The following ERCC5 variants were observed in gnomAD, a reference collection of about 807,000 sequenced individuals.
ERCC5 encodes the protein ERCC excision repair 5, endonuclease.
Under a neutral mutation model 105.6 loss-of-function variants are expected in ERCC5, and 68 were observed. The observed-to-expected ratio is 0.64, with a 90% CI of 0.53 to 0.79. The LOEUF (loss-of-function observed/expected upper bound fraction) is 0.79, where lower values mean the gene tolerates loss of function less well. Ranked by LOEUF, ERCC5 falls within the 30% of genes least tolerant of loss-of-function variation. The pLI, the probability that ERCC5 is intolerant of heterozygous loss-of-function variation, is 0.00. For missense variants in ERCC5, 1,373 were observed against 1,426.7 expected (o/e 0.96, Z 0.61); for synonymous variants, 546 against 526.2 (o/e 1.04, Z -0.51).
intron 1 of ERCC5, among the ~76,000 whole-genome samples, 186 bp from the exon 2 acceptor site, chr13:102,851,932 C>G (rs1347003191): frequency 1.3e-5 from 2 of 151,974 alleles, no homozygotes; most frequent in African/African-American, 4.8e-5. Flanking sequence ...ATAGGGGTAA[C>G]AAGAGTTCAA....
At position 102,872,410 on chromosome 13, in the gene ERCC5, T is replaced by A; in HGVS notation, c.2879+12T>A. Reference sequence around the variant, plus strand: ...GACAAAATTAGAGAATATCCTTTGCTTCTTAAAAGAGAAGGAAACACCTTG... The same window carrying A: ...GACAAAATTAGAGAATATCCTTTGCATCTTAAAAGAGAAGGAAACACCTTG... On this transcript the variant is annotated intron_variant, in intron 13 of 14. Transcript: ENST00000652225. 2 of 1,614,120 alleles carry A rather than the reference T, an allele frequency of 1.2e-6. No individual in the cohort carries two copies. Among genetic ancestry groups the A allele is most frequent in the Non-Finnish European group, 1.7e-6 (2 of 1,179,986 alleles).
chr13:102,859,366 G>GT (rs1390679471), intron 6 of ERCC5, among the ~76,000 whole-genome samples: 3 of 152,178 alleles, frequency 2.0e-5, no homozygotes, highest in Admixed American at 6.5e-5. Context: ...ATCACTCCCT[G>GT]TTTTTTCCAC....
intron 1 of ERCC5, among the ~76,000 whole-genome samples, chr13:102,850,287 G>A (rs1345577506): frequency 6.6e-6 from 1 of 152,050 alleles, no homozygotes; most frequent in East Asian, 1.9e-4. Flanking sequence ...ACTGAGGAGG[G>A]GACCCCTGGA....
intron 1 of ERCC5, among the ~76,000 whole-genome samples, chr13:102,849,701 C>A (rs1332429568): frequency 6.6e-6 from 1 of 152,090 alleles, no homozygotes; most frequent in East Asian, 1.9e-4. Context: ...GTGCAGTGCA[C>A]AAATTGCCCG....
chr13:102,866,829 C>T lies in ERCC5; in HGVS notation c.2517C>T (p.Asp839=). The T allele has an allele frequency of 1.9e-6, 3 of 1,611,010 alleles. No homozygotes were observed. The highest frequency in any genetic ancestry group is 2.5e-6 in the Non-Finnish European group (3 of 1,178,088). Residue 839 remains aspartate (D), a synonymous_variant, in exon 11 of 15, where the codon GAC becomes GAT. Transcript: ENST00000652225. ...TTGTAGAATATTATCAATATGTGGA[C>T]TTTCACAATCAATTGGGTAAGACTT... ...NKFVEYYQYV[D]FHNQLGLDRN... is the part of the protein sequence containing the mutation.
Position 102,873,401 on chromosome 13 carries a change from G to A in ERCC5, c.2964+58G>A, listed in dbSNP as rs1883097391. ...GATGAAGGGTAGGCTGTGGTTGACAGCTGTTAAAGACCAGTTAACTCTTAT... is the reference window on the plus strand; with the variant it reads ...GATGAAGGGTAGGCTGTGGTTGACAACTGTTAAAGACCAGTTAACTCTTAT... On this transcript the variant is annotated intron_variant, in intron 14 of 14. Coordinates refer to ENST00000652225, the MANE Select transcript of ERCC5 (RefSeq NM_000123.4). 4 of 1,595,374 alleles carry A rather than the reference G, an allele frequency of 2.5e-6. No individual in the cohort carries two copies. The African/African-American group carries it at 5.4e-5, about 21-fold the overall frequency.
intron 11 of ERCC5, 61 bp from the exon 12 acceptor site, chr13:102,868,052 A>G: frequency 1.3e-6 from 2 of 1,496,876 alleles, no homozygotes; most frequent in Non-Finnish European, 1.8e-6. Context: ...ATATAATAAA[A>G]TGTTTATAAA....
chr13:102,854,612 C>T (rs890665759), intron 4 of ERCC5, among the ~76,000 whole-genome samples: 1 of 152,184 alleles, frequency 6.6e-6, no homozygotes. Context: ...TCTGCCAGGG[C>T]TGTGGATTCT....
rs746424507 is a variant in ERCC5 at position 102,861,560 on chromosome 13, T to A, written c.726T>A (p.Tyr242Ter). The change falls in exon 7 of 15, where the codon TAT (tyrosine) becomes TAA (stop). Residue 242 changes from tyrosine (Y) to a stop codon, truncating the protein, a stop_gained. Coordinates refer to ENST00000652225, the MANE Select transcript of ERCC5 (RefSeq NM_000123.4). LOFTEE classifies it high-confidence loss of function. ...TCAAAGGCTTGCTTAAAAAGAACTA[T>A]CTGAACCAGCATATAGAACATGTCC... is the stretch of plus-strand genomic sequence containing the variant. ...YQLKGLLKKN[Y>*]LNQHIEHVQK... The A allele has an allele frequency of 6.2e-7, 1 of 1,614,158 alleles. No homozygotes were observed. The highest frequency in any genetic ancestry group is 1.1e-5 in the South Asian group (1 of 91,082).
Position 102,862,565 on chromosome 13 carries a change from A to G in ERCC5, c.1416A>G (p.Pro472=). The G allele has an allele frequency of 1.9e-6, 3 of 1,614,220 alleles. No homozygotes were observed. The highest frequency in any genetic ancestry group is 2.5e-6 in the Non-Finnish European group (3 of 1,180,042). ...NEGREPTDSV[P]KEQMSLVHVG... is the part of the protein sequence containing the mutation. ...GGAGAGAGCCCACAGACTCAGTTCC[A>G]AAAGAACAAATGTCACTTGTTCACG... is the stretch of plus-strand genomic sequence containing the variant. Residue 472 remains proline, a synonymous_variant, in exon 8 of 15, where the codon CCA becomes CCG. Coordinates refer to ENST00000652225, the MANE Select transcript of ERCC5 (RefSeq NM_000123.4).
rs376756832 is a variant in ERCC5, at chr13:102,858,322, C to T, written c.576C>T (p.Asp192=). 6.2e-7 allele frequency: 1 copy of T among 1,614,024 alleles called. No individual in the cohort carries two copies. The highest frequency in any genetic ancestry group is 1.3e-5 in the African/African-American group (1 of 74,916). Residue 192 remains aspartate, a synonymous_variant, in exon 6 of 15, where the codon GAC becomes GAT. Coordinates refer to ENST00000652225, the MANE Select transcript of ERCC5 (RefSeq NM_000123.4). The part of the protein sequence containing the change: ...NPQAIDIESE[D]FSSLPPEVKH... Reference sequence around the variant, plus strand: ...AAGCGATAGATATTGAGTCTGAGGACTTCAGCAGCCTGCCCCCTGAAGTAA... The same window carrying T: ...AAGCGATAGATATTGAGTCTGAGGATTTCAGCAGCCTGCCCCCTGAAGTAA...
intron 1 of ERCC5, among the ~76,000 whole-genome samples, chr13:102,848,479 T>C (rs1038496532): frequency 2.0e-5 from 3 of 152,248 alleles, no homozygotes; most frequent in Non-Finnish European, 4.4e-5. Context: ...CTTATAGATT[T>C]TAATGTTTGT....
At chr13:102,858,484 G>C in intron 6 of ERCC5, 66 bp downstream of exon 6, 3 of 1,610,152 alleles carry the variant, frequency 1.9e-6, no homozygotes, top group Non-Finnish European at 2.5e-6. Flanking sequence ...TTATTAGAAA[G>C]AAGAGAAAAT....
Position 102,872,234 on chromosome 13 carries a change from A to G in ERCC5, c.2715A>G (p.Ile905Met). The G allele has an allele frequency of 1.2e-6, 2 of 1,614,162 alleles. No homozygotes were observed. Among genetic ancestry groups the G allele is most frequent in the Non-Finnish European group, 1.7e-6 (2 of 1,180,042 alleles). ...ATGAAGCTCAAAAAAATCCAAAGAT[A>G]AGACCTAATCCTCATGACACCAAAG... ...WWHEAQKNPK[I>M]RPNPHDTKVK... The change falls in exon 13 of 15, where the codon ATA becomes ATG. Residue 905 changes from isoleucine to methionine, a missense_variant. Around this residue, in one of 3 missense-constraint regions of ERCC5, gnomAD observed 367 missense variants for 350.2 expected, o/e 1.05. Coordinates refer to ENST00000652225, the MANE Select transcript of ERCC5 (RefSeq NM_000123.4).
intron 4 of ERCC5, among the ~76,000 whole-genome samples, chr13:102,854,636 C>T (rs1882339158): frequency 6.6e-6 from 1 of 152,224 alleles, no homozygotes; most frequent in Non-Finnish European, 1.5e-5. Context: ...TTCTCCAAGG[C>T]ATGAATTTTA....
chr13:102,864,548 T>C (rs897100906), intron 8 of ERCC5, among the ~76,000 whole-genome samples: 1 of 152,194 alleles, frequency 6.6e-6, no homozygotes, highest in Non-Finnish European at 1.5e-5. Context: ...GCTTTGGCCA[T>C]TGGGGCTCCT....
intron 1 of ERCC5, among the ~76,000 whole-genome samples, chr13:102,848,959 C>T (rs1595374633): frequency 6.6e-6 from 1 of 152,202 alleles, no homozygotes; most frequent in East Asian, 1.9e-4. Flanking sequence ...TTTAATAATC[C>T]GTATGTTTCA....
At position 102,875,917 on chromosome 13, in the gene ERCC5, A is replaced by G. The variant is rs1248118940; in HGVS notation, c.*14A>G. On this transcript the variant is annotated 3_prime_UTR_variant, in exon 15 of 15. Transcript: ENST00000652225. ...AGGAAAACCTAATTAAAAAATATGTATCCTCTATAATTAGTTATGACAGCC... is the reference window on the plus strand; with the variant it reads ...AGGAAAACCTAATTAAAAAATATGTGTCCTCTATAATTAGTTATGACAGCC... The G allele has an allele frequency of 5.6e-6, 9 of 1,600,440 alleles. No individual in the cohort carries two copies. The South Asian group carries it at 9.9e-5, about 18-fold the overall frequency.
chr13:102,849,670 T>G (rs4771436), intron 1 of ERCC5, among the ~76,000 whole-genome samples: 34,174 of 152,118 alleles, frequency 0.22, 4,102 homozygotes, highest in East Asian at 0.34. Flanking sequence ...TTATTGTGTA[T>G]AAGAGTCCCT....
Sources: gnomAD v4.1 joint callset for allele counts (sites outside exome capture counted in the v4.1 genomes callset) on GRCh38, gnomAD v4.1.1 for gene constraint, gnomAD v4.1.1 regional missense constraint, MANE v1.5 for transcripts, NCBI Gene and HGNC (gene_info 2026-07-23, HGNC 2026-07-21) for gene names.